Variants in ZNF585B observed in about 807,000 individuals in gnomAD.
ZNF585B encodes the protein zinc finger protein 41-like protein.
ZNF585B carries 7 observed loss-of-function variants against 14.0 expected under a neutral mutation model. The ratio of observed to expected loss-of-function variants is 0.50; its 90% CI spans 0.28 to 0.94. ZNF585B has a LOEUF of 0.94. ZNF585B is among the 40% of genes least tolerant of loss of function. The pLI is 0.09. For missense variants in ZNF585B, 750 were observed against 924.4 expected, an observed-to-expected ratio of 0.81 and a Z score of 2.45; for synonymous variants, 290 against 317.3, an observed-to-expected ratio of 0.91 and a Z score of 0.91.
At chr19:37,188,070 A>G (rs1972358747) in intron 4 of ZNF585B, among the ~76,000 whole-genome samples, 1 of 152,168 alleles carries the variant, frequency 6.6e-6, no homozygotes, top group South Asian at 2.1e-4. Context: ...AGAAAAGGGG[A>G]TATTATCACA....
Position 37,184,435 on chromosome 19 carries a change from A to AGAAGGAAG in ZNF585B, c.*791_*792insCTTCCTTC. The AGAAGGAAG allele has an allele frequency of 1.3e-5, 1 of 77,412 alleles. No individual in the cohort carries two copies. The highest frequency in any genetic ancestry group is 3.3e-4 in the East Asian group (1 of 3,042). The allele number at this position is 77,412 out of a possible 1,614,324, so 4.8% of individuals were successfully genotyped here. On this transcript the variant is annotated 3_prime_UTR_variant, in exon 5 of 5. Transcript: ENST00000532828. ...AAGAAAGAGAAAGAAAGAAAAAGAA[A>AGAAGGAAG]GAAAGAAGGAAAGAAAGAAAGAAAG...
intron 4 of ZNF585B, chr19:37,189,437 A>G: frequency 1.9e-6 from 1 of 535,074 alleles, no homozygotes; most frequent in South Asian, 2.2e-5. Context: ...ATAAAGATTT[A>G]TCTTTAATGA....
In ZNF585B at chr19:37,199,585, A is replaced by T. The variant is rs116974175; in HGVS notation, c.72+7455T>A. 2,709 of 381,438 alleles carry T rather than the reference A, an allele frequency of 7.1e-3. 88 individuals are homozygous for T. The highest frequency in any genetic ancestry group is 0.056 in the East Asian group (633 of 11,382). The allele number at this position is 381,438 out of a possible 1,614,324, so 23.6% of individuals were successfully genotyped here. On this transcript the variant is annotated intron_variant, in intron 2 of 4. Transcript: ENST00000532828. The stretch of plus-strand genomic sequence containing the variant: ...ACCTCCTCACTCAAAGATAATACTA[A>T]GCATCGCCTAATGTACAAAGATACT...
rs2145430448 is a variant in ZNF585B, at chr19:37,186,446, G to A, written c.1091C>T (p.Thr364Ile). Reference sequence around the variant, plus strand: ...ATGAATAATCAACTCTGACCTGTAGGTAAAGGCCTTCCCACACTCAGTACA... The same window carrying A: ...ATGAATAATCAACTCTGACCTGTAGATAAAGGCCTTCCCACACTCAGTACA... The part of the protein sequence containing the change: ...SICTECGKAF[T>I]YRSELIIHQR... Residue 364 changes from threonine to isoleucine, a missense_variant, in exon 5 of 5, where the codon ACC (threonine) becomes ATC (isoleucine). By Grantham distance (89) the Thr-to-Ile change is moderately conservative. Transcript: ENST00000532828. 1.2e-6 allele frequency: 2 copies of A among 1,614,006 alleles called. No individual in the cohort carries two copies. Among genetic ancestry groups the A allele is most frequent in the Non-Finnish European group, 1.7e-6 (2 of 1,179,970 alleles).
intron 1 of ZNF585B, among the ~76,000 whole-genome samples, chr19:37,209,002 G>C (rs1972616485): frequency 6.6e-6 from 1 of 151,360 alleles, no homozygotes; most frequent in Non-Finnish European, 1.5e-5. Context: ...AAAAAAAAAA[G>C]TGACAACATC....
chr19:37,207,569 G>C (rs1156721689), intron 1 of ZNF585B, among the ~76,000 whole-genome samples: 2 of 152,186 alleles, frequency 1.3e-5, no homozygotes, highest in African/African-American at 2.4e-5. Flanking sequence ...ATGAAATTTA[G>C]AGTAACATTA....
At chr19:37,188,232 G>A (rs1009580705) in intron 4 of ZNF585B, among the ~76,000 whole-genome samples, 1 of 152,050 alleles carries the variant, frequency 6.6e-6, no homozygotes, top group Admixed American at 6.6e-5. Context: ...CATACCTGTA[G>A]TCCCAGCACT....
In ZNF585B at chr19:37,206,235, T is replaced by C. The variant is rs550426280; in HGVS notation, c.72+805A>G. Reference sequence around the variant, plus strand: ...GGGAGGCTGAGGTGGGCAGATCACCTGAGATCAGGAGTTCGAGATCAGCCT... The same window carrying C: ...GGGAGGCTGAGGTGGGCAGATCACCCGAGATCAGGAGTTCGAGATCAGCCT... On this transcript the variant is annotated intron_variant, in intron 2 of 4. Coordinates refer to ENST00000532828, the MANE Select transcript of ZNF585B (RefSeq NM_152279.4). Among the ~76,000 whole-genome samples, 60 of 152,182 alleles carry C rather than the reference T, an allele frequency of 3.9e-4. 1 individual carries two copies. Among genetic ancestry groups the C allele is most frequent in the African/African-American group, 1.4e-3 (57 of 41,548 alleles).
In ZNF585B at chr19:37,186,688, T is replaced by A; in HGVS notation, c.849A>T (p.Thr283=). Residue 283 remains threonine, a synonymous_variant, in exon 5 of 5, where the codon ACA becomes ACT. Coordinates refer to ENST00000532828, the MANE Select transcript of ZNF585B (RefSeq NM_152279.4). ...GAATTCTTCGGTGTGCAATCAATTG[T>A]GTTTTCTGGATGAAGGCCTGCCCGC... ...IECGQAFIQK[T]QLIAHRRIHS... 1 of 1,614,228 alleles carries A rather than the reference T, an allele frequency of 6.2e-7. No homozygotes were observed.
At chr19:37,187,512 A>G (rs1293011761) in intron 4 of ZNF585B, among the ~76,000 whole-genome samples, 1 of 151,992 alleles carries the variant, frequency 6.6e-6, no homozygotes, top group Admixed American at 6.6e-5. Context: ...TTAGATACTT[A>G]TTTTCTTTTC....
Position 37,181,649 on chromosome 19 carries a change from G to T in ZNF585B, c.*3578C>A, listed in dbSNP as rs1972267978. 2.7e-5 allele frequency: 4 copies of T among 147,696 alleles called. No individual in the cohort carries two copies. The highest frequency in any genetic ancestry group is 1.0e-4 in the African/African-American group (4 of 39,882). The allele number at this position is 147,696 out of a possible 1,614,324, so 9.1% of individuals were successfully genotyped here. On this transcript the variant is annotated 3_prime_UTR_variant, in exon 5 of 5. Transcript: ENST00000532828. ...TAAGGTGTCCTTCAGTAGGTGAATG[G>T]ATAAATAAGTCATGGTACTTCCAGA... is the stretch of plus-strand genomic sequence containing the variant.
chr19:37,189,272 A>C (rs1972373418), intron 4 of ZNF585B, among the ~76,000 whole-genome samples: 1 of 152,172 alleles, frequency 6.6e-6, no homozygotes, highest in South Asian at 2.1e-4. Flanking sequence ...CACAGTGAGA[A>C]AGACAGAAAT....
At chr19:37,191,657 C>A (rs1184629317) in intron 2 of ZNF585B, among the ~76,000 whole-genome samples, 2 of 151,426 alleles carry the variant, frequency 1.3e-5, no homozygotes, top group Non-Finnish European at 2.9e-5. Flanking sequence ...ATTTGTGGAA[C>A]ACAGAAATCT....
chr19:37,201,114 T>C (rs1355698759), intron 2 of ZNF585B, among the ~76,000 whole-genome samples: 1 of 151,498 alleles, frequency 6.6e-6, no homozygotes, highest in Admixed American at 6.6e-5. Context: ...AAAATTATCT[T>C]TCCACTGCCA....
At chr19:37,200,694 A>G (rs1972522369) in intron 2 of ZNF585B, among the ~76,000 whole-genome samples, 2 of 152,100 alleles carry the variant, frequency 1.3e-5, no homozygotes, top group African/African-American at 4.8e-5. Flanking sequence ...GCAGTATAGA[A>G]CTTTTATTGT....
chr19:37,184,498 A>AAGAAAG lies in ZNF585B; in HGVS notation c.*723_*728dup, dbSNP rs1555778297. 1,501 of 86,292 alleles carry AAGAAAG rather than the reference A, an allele frequency of 0.017. 87 individuals carry two copies. The highest frequency in any genetic ancestry group is 0.022 in the Middle Eastern group (4 of 180). 5.3% of individuals were successfully genotyped at this position (86,292 alleles called of 1,614,324 possible). Reference sequence around the variant, plus strand: ...AAAGAAAGAAAGAAAGAAAGAAAGAAAGAAAGAGAAAGAAAGAAAGAAAAA... The same window carrying AAGAAAG: ...AAAGAAAGAAAGAAAGAAAGAAAGAAAGAAAGAGAAAGAGAAAGAAAGAAAGAAAAA... On this transcript the variant is annotated 3_prime_UTR_variant, in exon 5 of 5. Transcript: ENST00000532828.
chr19:37,205,499 C>T (rs893270769), intron 2 of ZNF585B, among the ~76,000 whole-genome samples: 1 of 152,116 alleles, frequency 6.6e-6, no homozygotes, highest in Non-Finnish European at 1.5e-5. Flanking sequence ...AGTTAATCTG[C>T]TATGCCATTC....
intron 4 of ZNF585B, among the ~76,000 whole-genome samples, chr19:37,188,038 G>C (rs1233645202): frequency 6.6e-6 from 1 of 152,122 alleles, no homozygotes; most frequent in Non-Finnish European, 1.5e-5. Flanking sequence ...TGGTGGGAAG[G>C]CAGATGGGTG....
Position 37,185,450 on chromosome 19 carries a change from C to T in ZNF585B, c.2087G>A (p.Gly696Glu), listed in dbSNP as rs1213948629. 2 of 1,612,556 alleles carry T rather than the reference C, an allele frequency of 1.2e-6. No individual in the cohort carries two copies. The highest frequency in any genetic ancestry group is 1.7e-6 in the Non-Finnish European group (2 of 1,179,334). The part of the protein sequence containing the change: ...GEKPYECSDC[G>E]KSFTKKSQLQ... ...CTGTGATTTTTTAGTGAAAGACTTC[C>T]CACAGTCACTGCACTCATAAGGTTT... The change falls in exon 5 of 5, where the codon GGG becomes GAG. Residue 696 changes from glycine (G) to glutamate (E), a missense_variant. Gly to Glu is a moderately conservative substitution (Grantham distance 98). Coordinates refer to ENST00000532828, the MANE Select transcript of ZNF585B (RefSeq NM_152279.4).
Sources: gnomAD v4.1 joint callset for allele counts (sites outside exome capture counted in the v4.1 genomes callset) on GRCh38, gnomAD v4.1.1 for gene constraint, MANE v1.5 for transcripts, NCBI Gene and HGNC (gene_info 2026-07-23, HGNC 2026-07-21) for gene names.